SOX14: variants seen among roughly 807,000 people sequenced by gnomAD.
SOX14 encodes transcription factor SOX-14.
Under a neutral mutation model 14.8 loss-of-function variants are expected in SOX14, and 5 were observed. That is an observed-to-expected ratio of 0.34 (90% CI 0.18 to 0.71). The LOEUF (loss-of-function observed/expected upper bound fraction) is 0.71, where lower values mean the gene tolerates loss of function less well. Ranked by LOEUF, SOX14 falls within the 30% of genes least tolerant of loss-of-function variation. The pLI is 0.64. For synonymous variants in SOX14, 164 were observed against 146.3 expected, an observed-to-expected ratio of 1.12 and a Z score of -0.87; for missense variants, 270 against 329.7, an observed-to-expected ratio of 0.82 and a Z score of 1.40.
rs1939242294 is a variant in SOX14 at position 137,766,181 on chromosome 3, GT to G, written c.*675del. 6.6e-6 allele frequency: 1 copy of G among 152,200 alleles called. No homozygotes were observed. The highest frequency in any genetic ancestry group is 6.5e-5 in the Admixed American group (1 of 15,288). 9.4% of individuals were successfully genotyped at this position (152,200 alleles called of 1,614,324 possible). ...GGGTTATGAAGTCAGGAAGTAGAAG[GT>G]GAACAAAAAATTAAAAGAACAAAAA... On this transcript the variant is annotated 3_prime_UTR_variant, in exon 1 of 1. Coordinates refer to ENST00000306087, the MANE Select transcript of SOX14 (RefSeq NM_004189.4).
At position 137,765,208 on chromosome 3, in the gene SOX14, G is replaced by T. The variant is rs1939220945; in HGVS notation, c.424G>T (p.Ala142Ser). 1.2e-6 allele frequency: 2 copies of T among 1,611,676 alleles called. No homozygotes were observed. The highest frequency in any genetic ancestry group is 1.7e-6 in the Non-Finnish European group (2 of 1,179,158). The stretch of plus-strand genomic sequence containing the variant: ...GGCGCCCTACTCCCTGCTGGACCCC[G>T]CGCAGTTTAGCTCGAGCGCCATCCA... ...ASAPYSLLDP[A>S]QFSSSAIQKM... The change falls in exon 1 of 1, where the codon GCG becomes TCG. Residue 142 changes from alanine (A) to serine (S), a missense_variant. Coordinates refer to ENST00000306087, the MANE Select transcript of SOX14 (RefSeq NM_004189.4).
In SOX14 at chr3:137,765,480, T is replaced by C; in HGVS notation, c.696T>C (p.Tyr232=). 1 of 1,609,870 alleles carries C rather than the reference T, an allele frequency of 6.2e-7. No homozygotes were observed. Residue 232 remains tyrosine (Y), a synonymous_variant, in exon 1 of 1, where the codon TAT becomes TAC. Coordinates refer to ENST00000306087, the MANE Select transcript of SOX14 (RefSeq NM_004189.4). ...PGMTKTGIDP[Y]SSAHATAM The stretch of plus-strand genomic sequence containing the variant: ...TGACCAAGACTGGCATAGACCCTTA[T>C]TCGTCAGCCCACGCTACGGCCATGT...
rs767050969 is a variant in SOX14 at position 137,765,498 on chromosome 3, G to A, written c.714G>A (p.Thr238=). Residue 238 remains threonine, a synonymous_variant, in exon 1 of 1, where the codon ACG becomes ACA. Coordinates refer to ENST00000306087, the MANE Select transcript of SOX14 (RefSeq NM_004189.4). ...ACCCTTATTCGTCAGCCCACGCTAC[G>A]GCCATGTAACCCCCAGCCCGGCCCG... ...GIDPYSSAHA[T]AM The A allele has an allele frequency of 1.2e-6, 2 of 1,601,062 alleles. No homozygotes were observed. Among genetic ancestry groups the A allele is most frequent in the African/African-American group, 1.3e-5 (1 of 74,902 alleles).
chr3:137,765,473 A>G lies in SOX14; in HGVS notation c.689A>G (p.Asp230Gly). 2 of 1,611,414 alleles carry G rather than the reference A, an allele frequency of 1.2e-6. No individual in the cohort carries two copies. Among genetic ancestry groups the G allele is most frequent in the Non-Finnish European group, 1.7e-6 (2 of 1,178,820 alleles). ...CCAGGCATGACCAAGACTGGCATAGACCCTTATTCGTCAGCCCACGCTACG... is the reference window on the plus strand; with the variant it reads ...CCAGGCATGACCAAGACTGGCATAGGCCCTTATTCGTCAGCCCACGCTACG... ...LFPGMTKTGI[D>G]PYSSAHATAM Residue 230 changes from aspartate to glycine, a missense_variant, in exon 1 of 1, where the codon GAC (aspartate) becomes GGC (glycine). Around this residue, in one of 2 missense-constraint regions of SOX14, gnomAD observed 207 missense variants for 210.9 expected, o/e 0.98. Coordinates refer to ENST00000306087, the MANE Select transcript of SOX14 (RefSeq NM_004189.4).
In SOX14 at chr3:137,765,174, G is replaced by A; in HGVS notation, c.390G>A (p.Pro130=). Residue 130 remains proline (P), a synonymous_variant, in exon 1 of 1, where the codon CCG becomes CCA. Coordinates refer to ENST00000306087, the MANE Select transcript of SOX14 (RefSeq NM_004189.4). ...SAPEKARAFL[P]PASAPYSLLD... The stretch of plus-strand genomic sequence containing the variant: ...CCGAGAAAGCCCGGGCCTTCTTGCC[G>A]CCGGCCTCGGCGCCCTACTCCCTGC... 1 of 1,612,636 alleles carries A rather than the reference G, an allele frequency of 6.2e-7. No homozygotes were observed. The highest frequency in any genetic ancestry group is 8.5e-7 in the Non-Finnish European group (1 of 1,179,398).
chr3:137,765,162 G>C lies in SOX14; in HGVS notation c.378G>C (p.Arg126=). Residue 126 remains arginine (R), a synonymous_variant, in exon 1 of 1, where the codon CGG becomes CGC. Coordinates refer to ENST00000306087, the MANE Select transcript of SOX14 (RefSeq NM_004189.4). ...DGLLSAPEKA[R]AFLPPASAPY... ...TCCTGAGCGCGCCCGAGAAAGCCCG[G>C]GCCTTCTTGCCGCCGGCCTCGGCGC... The C allele has an allele frequency of 6.2e-7, 1 of 1,612,950 alleles. No homozygotes were observed. Among genetic ancestry groups the C allele is most frequent in the Non-Finnish European group, 8.5e-7 (1 of 1,179,482 alleles).
chr3:137,765,026 G>T lies in SOX14; in HGVS notation c.242G>T (p.Arg81Leu). Residue 81 changes from arginine (R) to leucine (L), a missense_variant, in exon 1 of 1, where the codon CGC (arginine) becomes CTC (leucine). Around this residue, in one of 2 missense-constraint regions of SOX14, gnomAD observed 63 missense variants for 118.8 expected, o/e 0.53. Transcript: ENST00000306087. Reference protein sequence around the residue: ...EHPDYKYRPRRKPKNLLKKDR... With the variant: ...EHPDYKYRPRLKPKNLLKKDR... ...CCTGACTACAAGTACCGACCTCGGC[G>T]CAAGCCCAAGAACCTGCTCAAGAAG... is the stretch of plus-strand genomic sequence containing the variant. The T allele has an allele frequency of 6.2e-7, 1 of 1,614,264 alleles. No homozygotes were observed. The highest frequency in any genetic ancestry group is 8.5e-7 in the Non-Finnish European group (1 of 1,180,050).
chr3:137,764,808 C>T lies in SOX14; in HGVS notation c.24C>T (p.Ile8=), dbSNP rs752546426. MSKPSDH[I]KRPMNAFMVW... The stretch of plus-strand genomic sequence containing the variant: ...CCATGTCCAAACCTTCAGACCACAT[C>T]AAGCGGCCCATGAACGCCTTCATGG... Residue 8 remains isoleucine (I), a synonymous_variant, in exon 1 of 1, where the codon ATC becomes ATT. Transcript: ENST00000306087. 3.1e-6 allele frequency: 5 copies of T among 1,614,222 alleles called. No homozygotes were observed. The highest frequency in any genetic ancestry group is 4.2e-6 in the Non-Finnish European group (5 of 1,180,050).
Position 137,765,327 on chromosome 3 carries a change from C to T in SOX14, c.543C>T (p.Ser181=). ...AGAACGGCGCCTTCGGCAGCCTCAG[C>T]TGCCCCAGCCAGCACACGCACACGC... The part of the protein sequence containing the change: ...GYQNGAFGSL[S]CPSQHTHTHP... Residue 181 remains serine (S), a synonymous_variant, in exon 1 of 1, where the codon AGC becomes AGT. Transcript: ENST00000306087. 1.3e-6 allele frequency: 2 copies of T among 1,589,014 alleles called. No individual in the cohort carries two copies. Among genetic ancestry groups the T allele is most frequent in the East Asian group, 4.7e-5 (2 of 42,754 alleles).
At position 137,764,850 on chromosome 3, in the gene SOX14, G is replaced by A; in HGVS notation, c.66G>A (p.Gln22=). The change falls in exon 1 of 1, where the codon CAG becomes CAA. Residue 22 remains glutamine, a synonymous_variant. Coordinates refer to ENST00000306087, the MANE Select transcript of SOX14 (RefSeq NM_004189.4). ...CCTTCATGGTATGGTCCCGGGGCCA[G>A]CGGCGCAAGATGGCCCAGGAAAACC... ...MNAFMVWSRG[Q]RRKMAQENPK... The A allele has an allele frequency of 6.2e-7, 1 of 1,614,216 alleles. No individual in the cohort carries two copies. Among genetic ancestry groups the A allele is most frequent in the South Asian group, 1.1e-5 (1 of 91,084 alleles).
Position 137,764,642 on chromosome 3 carries a change from C to A in SOX14, c.-143C>A. 1 of 1,061,330 alleles carries A rather than the reference C, an allele frequency of 9.4e-7. No individual in the cohort carries two copies. Among genetic ancestry groups the A allele is most frequent in the Non-Finnish European group, 1.3e-6 (1 of 744,406 alleles). 65.7% of individuals were successfully genotyped at this position (1,061,330 alleles called of 1,614,324 possible). Reference sequence around the variant, plus strand: ...GCTGAACTTTGTGGGGTCAGCGCTTCTCTCTGGCTTCCCCTCAGCGGCGCC... The same window carrying A: ...GCTGAACTTTGTGGGGTCAGCGCTTATCTCTGGCTTCCCCTCAGCGGCGCC... On this transcript the variant is annotated 5_prime_UTR_variant, in exon 1 of 1. Transcript: ENST00000306087.
In SOX14 at chr3:137,765,055, A is replaced by C; in HGVS notation, c.271A>C (p.Arg91=). The C allele has an allele frequency of 1.2e-6, 2 of 1,614,254 alleles. No individual in the cohort carries two copies. The highest frequency in any genetic ancestry group is 1.7e-6 in the Non-Finnish European group (2 of 1,180,036). ...RKPKNLLKKD[R]YVFPLPYLGD... is the part of the protein sequence containing the mutation. ...GCCCAAGAACCTGCTCAAGAAGGACAGGTATGTCTTCCCCTTGCCCTACCT... is the reference window on the plus strand; with the variant it reads ...GCCCAAGAACCTGCTCAAGAAGGACCGGTATGTCTTCCCCTTGCCCTACCT... The change falls in exon 1 of 1, where the codon AGG becomes CGG. Residue 91 remains arginine (R), a synonymous_variant. Coordinates refer to ENST00000306087, the MANE Select transcript of SOX14 (RefSeq NM_004189.4).
rs1189871745 is a variant in SOX14 at position 137,765,442 on chromosome 3, C to T, written c.658C>T (p.Leu220Phe). 6.2e-7 allele frequency: 1 copy of T among 1,613,664 alleles called. No homozygotes were observed. The highest frequency in any genetic ancestry group is 8.5e-7 in the Non-Finnish European group (1 of 1,179,918). The change falls in exon 1 of 1, where the codon CTC (leucine) becomes TTC (phenylalanine). Residue 220 changes from leucine to phenylalanine, a missense_variant. Physicochemically the swap from Leu to Phe is conservative, Grantham distance 22 (BLOSUM62 0). Coordinates refer to ENST00000306087, the MANE Select transcript of SOX14 (RefSeq NM_004189.4). ...CCTGCAGCCCCCCGTCGCCTACATC[C>T]TCTTCCCAGGCATGACCAAGACTGG... ...STLQPPVAYILFPGMTKTGID... is the reference protein window; with the variant it reads ...STLQPPVAYIFFPGMTKTGID...
In SOX14 at chr3:137,764,544, C is replaced by A; in HGVS notation, c.-241C>A. Reference sequence around the variant, plus strand: ...TGCCTGAAGCCCCCCGGCCGATCGCCCTCTCCTCCCCCGCCCTTTCTGCCC... The same window carrying A: ...TGCCTGAAGCCCCCCGGCCGATCGCACTCTCCTCCCCCGCCCTTTCTGCCC... On this transcript the variant is annotated 5_prime_UTR_variant, in exon 1 of 1. Coordinates refer to ENST00000306087, the MANE Select transcript of SOX14 (RefSeq NM_004189.4). 3.1e-6 allele frequency: 1 copy of A among 318,102 alleles called. No individual in the cohort carries two copies. Among genetic ancestry groups the A allele is most frequent in the Non-Finnish European group, 5.8e-6 (1 of 173,878 alleles). The allele number at this position is 318,102 out of a possible 1,614,324, so 19.7% of individuals were successfully genotyped here. A position where few individuals can be genotyped will look rare whatever the true frequency, so the allele number is the denominator to read the frequency against.
chr3:137,765,161 G>C lies in SOX14; in HGVS notation c.377G>C (p.Arg126Pro). 1 of 1,612,940 alleles carries C rather than the reference G, an allele frequency of 6.2e-7. No individual in the cohort carries two copies. Among genetic ancestry groups the C allele is most frequent in the South Asian group, 1.1e-5 (1 of 91,022 alleles). Residue 126 changes from arginine to proline, a missense_variant, in exon 1 of 1, where the codon CGG (arginine) becomes CCG (proline). Arg to Pro is a moderately radical substitution (Grantham distance 103). Transcript: ENST00000306087. ...CTCCTGAGCGCGCCCGAGAAAGCCC[G>C]GGCCTTCTTGCCGCCGGCCTCGGCG... ...DGLLSAPEKA[R>P]AFLPPASAPY...
chr3:137,764,921 G>A lies in SOX14; in HGVS notation c.137G>A (p.Trp46Ter). The A allele has an allele frequency of 6.2e-7, 1 of 1,614,260 alleles. No homozygotes were observed. The highest frequency in any genetic ancestry group is 8.5e-7 in the Non-Finnish European group (1 of 1,180,050). Residue 46 changes from tryptophan to a stop codon, truncating the protein, a stop_gained, in exon 1 of 1, where the codon TGG (tryptophan) becomes TAG (stop). Coordinates refer to ENST00000306087, the MANE Select transcript of SOX14 (RefSeq NM_004189.4). LOFTEE classifies it high-confidence loss of function. ...ATCAGCAAACGCCTAGGTGCCGAATGGAAGCTTCTGTCCGAGGCAGAGAAG... is the reference window on the plus strand; with the variant it reads ...ATCAGCAAACGCCTAGGTGCCGAATAGAAGCTTCTGTCCGAGGCAGAGAAG... Reference protein sequence around the residue: ...SEISKRLGAEWKLLSEAEKRP... With the variant: ...SEISKRLGAE
rs557553523 is a variant in SOX14, at chr3:137,765,537, G to A, written c.*30G>A. The stretch of plus-strand genomic sequence containing the variant: ...CAGCCCGGCCCGGACCTGAGGCGTG[G>A]TCTGAAAGCCGGGTCTGCACCCTGT... On this transcript the variant is annotated 3_prime_UTR_variant, in exon 1 of 1. Coordinates refer to ENST00000306087, the MANE Select transcript of SOX14 (RefSeq NM_004189.4). The A allele has an allele frequency of 1.3e-6, 2 of 1,567,474 alleles. No homozygotes were observed. The highest frequency in any genetic ancestry group is 1.7e-4 in the Middle Eastern group (1 of 5,800).
rs761833227 is a variant in SOX14 at position 137,765,056 on chromosome 3, G to A, written c.272G>A (p.Arg91Lys). ...RKPKNLLKKD[R>K]YVFPLPYLGD... is the part of the protein sequence containing the mutation. ...CCCAAGAACCTGCTCAAGAAGGACA[G>A]GTATGTCTTCCCCTTGCCCTACCTG... Residue 91 changes from arginine (R) to lysine (K), a missense_variant, in exon 1 of 1, where the codon AGG becomes AAG. This residue lies in a region of SOX14 where 207 missense variants were observed against 210.9 expected (regional missense o/e 0.98). Coordinates refer to ENST00000306087, the MANE Select transcript of SOX14 (RefSeq NM_004189.4). 1.9e-6 allele frequency: 3 copies of A among 1,614,144 alleles called. No homozygotes were observed. Among genetic ancestry groups the A allele is most frequent in the East Asian group, 2.2e-5 (1 of 44,892 alleles).
In SOX14 at chr3:137,764,745, C is replaced by G. The variant is rs749447558; in HGVS notation, c.-40C>G. On this transcript the variant is annotated 5_prime_UTR_variant, in exon 1 of 1. Transcript: ENST00000306087. ...CCGCGCCCAGGCTCGTCTGCAGAACCCTTGCACTCCCTACCCCCACCCACC... is the reference window on the plus strand; with the variant it reads ...CCGCGCCCAGGCTCGTCTGCAGAACGCTTGCACTCCCTACCCCCACCCACC... The G allele has an allele frequency of 6.2e-6, 10 of 1,601,894 alleles. No homozygotes were observed. Among genetic ancestry groups the G allele is most frequent in the Middle Eastern group, 1.9e-4 (1 of 5,308 alleles).
Sources: allele counts gnomAD v4.1 joint callset, GRCh38; gene constraint gnomAD v4.1.1; regional missense constraint gnomAD v4.1.1; transcripts MANE v1.5; gene names NCBI Gene and HGNC (gene_info 2026-07-23, HGNC 2026-07-21).